The following HDAC4 variants were observed in gnomAD, a reference collection of about 807,000 sequenced individuals.
HDAC4 encodes histone deacetylase 4, also known as histone deacetylase A.
HDAC4 carries 16 observed loss-of-function variants against 135.1 expected under a neutral mutation model. The ratio of observed to expected loss-of-function variants is 0.12; its 90% confidence interval spans 0.08 to 0.18. The LOEUF is 0.18. HDAC4 is among the 10% of genes least tolerant of loss of function. The probability of loss-of-function intolerance (pLI) is 1.00; values close to 1 mark genes in which losing one functional copy is unlikely to be tolerated. For synonymous variants in HDAC4, 685 were observed against 653.4 expected (o/e 1.05, Z -0.74); for missense variants, 1,143 against 1,511.8 (o/e 0.76, Z 4.05).
At chr2:239,125,469 T>G (rs1189597281) in intron 12 of HDAC4, among the ~76,000 whole-genome samples, 1 of 152,210 alleles carries the variant, frequency 6.6e-6, no homozygotes, top group Non-Finnish European at 1.5e-5. Flanking sequence ...TCTTTTCTTA[T>G]GAATCACGCA....
chr2:239,147,265 C>A (rs919661471), intron 7 of HDAC4, among the ~76,000 whole-genome samples: 6 of 152,232 alleles, frequency 3.9e-5, no homozygotes, highest in African/African-American at 1.4e-4. Flanking sequence ...ACCACGAGGA[C>A]CGGCTCACTG....
intron 11 of HDAC4, among the ~76,000 whole-genome samples, chr2:239,130,047 G>A (rs1312216418): frequency 6.6e-6 from 1 of 152,232 alleles, no homozygotes; most frequent in Non-Finnish European, 1.5e-5. Context: ...TGAGTCCTTA[G>A]AAGTCCATCT....
In HDAC4 at chr2:239,313,702, G is replaced by A. The variant is rs1012319632; in HGVS notation, c.22+38976C>T. ...CAACGTACAGCACTGGTGACAGAAA[G>A]GAAGATTCAGAAAAGCCTTCACGCC... is the stretch of plus-strand genomic sequence containing the variant. On this transcript the variant is annotated intron_variant, in intron 2 of 26. Coordinates refer to ENST00000543185, the MANE Select transcript of HDAC4 (RefSeq NM_001378414.1). The surrounding 1 kb of genome is among the most constrained non-coding windows in gnomAD (Gnocchi z 5.1). 3.3e-5 allele frequency among the ~76,000 whole-genome samples: 5 copies of A among 152,244 alleles called. 1 individual carries two copies. The highest frequency in any genetic ancestry group is 2.0e-4 in the Admixed American group (3 of 15,276).
At chr2:239,214,894 G>C (rs893997016) in intron 3 of HDAC4, among the ~76,000 whole-genome samples, 3 of 152,200 alleles carry the variant, frequency 2.0e-5, no homozygotes, top group South Asian at 4.1e-4. Flanking sequence ...TCCTGAGCCC[G>C]GAGGTTGCCC....
At chr2:239,293,828 G>A (rs1041837871) in intron 2 of HDAC4, among the ~76,000 whole-genome samples, 1 of 152,218 alleles carries the variant, frequency 6.6e-6, no homozygotes, top group African/African-American at 2.4e-5. Context: ...CTCAGCGGAT[G>A]GCATAAAAAC....
rs1419565398 is a variant in HDAC4, at chr2:239,161,204, T to C, written c.611+2599A>G. ...TTTTGGATACAAGCGGTTTGTAAGATATACGCATTGTGAATATTTCCTTCC... is the reference window on the plus strand; with the variant it reads ...TTTTGGATACAAGCGGTTTGTAAGACATACGCATTGTGAATATTTCCTTCC... On this transcript the variant is annotated intron_variant, in intron 6 of 26. Transcript: ENST00000543185. Among the ~76,000 whole-genome samples, 3 of 152,362 alleles carry C rather than the reference T, an allele frequency of 2.0e-5. No homozygotes were observed. In the East Asian group the frequency reaches 5.8e-4, roughly 29 times the overall value.
intron 2 of HDAC4, among the ~76,000 whole-genome samples, chr2:239,345,234 C>T (rs1692533074): frequency 6.6e-6 from 1 of 152,128 alleles, no homozygotes; most frequent in Admixed American, 6.5e-5. Context: ...CTTCAAAATT[C>T]CTTTTCTGCC....
intron 2 of HDAC4, among the ~76,000 whole-genome samples, chr2:239,284,867 CTT>C (rs1233438566): frequency 6.6e-6 from 1 of 152,114 alleles, no homozygotes; most frequent in African/African-American, 2.4e-5. Context: ...GATCGGGAAA[CTT>C]TTGTTTCATT....
chr2:239,283,514 G>A (rs2050945995), intron 2 of HDAC4, among the ~76,000 whole-genome samples: 1 of 152,258 alleles, frequency 6.6e-6, no homozygotes, highest in African/African-American at 2.4e-5. Context: ...GAGGCTAGAA[G>A]GGGCCTGACC....
intron 1 of HDAC4, among the ~76,000 whole-genome samples, chr2:239,398,375 G>A (rs1271902243): frequency 6.6e-6 from 1 of 152,206 alleles, no homozygotes; most frequent in Non-Finnish European, 1.5e-5. Flanking sequence ...GGAATTCAAA[G>A]CCATTCATGC....
rs2052655247 is a variant in HDAC4 at position 239,307,402 on chromosome 2, G to C, written c.22+45276C>G. ...CAGAGGCGGCCACTGGGCCCCAGGA[G>C]AGAGGGGCTTGAAGGATGGGTACCC... On this transcript the variant is annotated intron_variant, in intron 2 of 26. Transcript: ENST00000543185. The surrounding 1 kb of genome is among the most constrained non-coding windows in gnomAD (Gnocchi z 4.8). Among the ~76,000 whole-genome samples, 1 of 152,162 alleles carries C rather than the reference G, an allele frequency of 6.6e-6. No homozygotes were observed. The highest frequency in any genetic ancestry group is 2.1e-4 in the South Asian group (1 of 4,830).
chr2:239,351,166 C>T (rs902771227), intron 2 of HDAC4, among the ~76,000 whole-genome samples: 1 of 152,218 alleles, frequency 6.6e-6, no homozygotes, highest in African/African-American at 2.4e-5. Context: ...ACCCAGCTTC[C>T]ACTTCCTGGA....
intron 2 of HDAC4, among the ~76,000 whole-genome samples, chr2:239,312,619 A>T (rs886446015): frequency 2.6e-5 from 4 of 152,198 alleles, no homozygotes; most frequent in African/African-American, 4.8e-5. Flanking sequence ...GTCCAATGAA[A>T]CGAAAACATC....
chr2:239,125,160 C>G (rs1209252836), intron 12 of HDAC4, among the ~76,000 whole-genome samples: 3 of 152,248 alleles, frequency 2.0e-5, no homozygotes, highest in African/African-American at 7.2e-5. Flanking sequence ...TGAAGCCTAG[C>G]CCCCAATACT....
At chr2:239,086,496 A>T (rs926109217) in intron 19 of HDAC4, among the ~76,000 whole-genome samples, 3 of 150,998 alleles carry the variant, frequency 2.0e-5, no homozygotes, top group African/African-American at 7.3e-5. Context: ...CCTGCACACG[A>T]AGGAGACTCT....
chr2:239,377,757 G>A (rs1371882143), intron 1 of HDAC4, among the ~76,000 whole-genome samples: 1 of 152,098 alleles, frequency 6.6e-6, no homozygotes, highest in Non-Finnish European at 1.5e-5. Context: ...CAGGACCCTA[G>A]AGCACCTGCC....
At chr2:239,190,430 C>T (rs2044857617) in intron 3 of HDAC4, among the ~76,000 whole-genome samples, 1 of 152,164 alleles carries the variant, frequency 6.6e-6, no homozygotes, top group Non-Finnish European at 1.5e-5. Flanking sequence ...TTCTAGAGGC[C>T]AATAATGAGA....
At chr2:239,253,626 G>C (rs994431284) in intron 2 of HDAC4, among the ~76,000 whole-genome samples, 1 of 152,204 alleles carries the variant, frequency 6.6e-6, no homozygotes, top group Non-Finnish European at 1.5e-5. Flanking sequence ...GCACTGACTC[G>C]ATAAGGATCC....
At chr2:239,188,726 C>T (rs929098432) in intron 4 of HDAC4, among the ~76,000 whole-genome samples, 1 of 152,278 alleles carries the variant, frequency 6.6e-6, no homozygotes, top group East Asian at 1.9e-4. Flanking sequence ...CGGCCTGCCA[C>T]TTCCCAGATC....
Sources: gnomAD v4.1 joint callset for allele counts (sites outside exome capture counted in the v4.1 genomes callset) on GRCh38, gnomAD v4.1.1 for gene constraint, Gnocchi (gnomAD v3.1) non-coding constraint, MANE v1.5 for transcripts, NCBI Gene and HGNC (gene_info 2026-07-23, HGNC 2026-07-21) for gene names.